The following UGT1A8 variants were observed in gnomAD, a reference collection of about 807,000 sequenced individuals.
The protein encoded by UGT1A8 is UDP-glucuronosyltransferase 1A8.
Under a neutral mutation model 45.3 loss-of-function variants are expected in UGT1A8, and 39 were observed. That is an observed-to-expected ratio of 0.86 (90% confidence interval 0.67 to 1.12). The LOEUF is 1.12. Among genes scored for constraint, UGT1A8 ranks in the 50% most tolerant of loss-of-function variants. The probability of loss-of-function intolerance (pLI) is 0.00; values close to 1 mark genes in which losing one functional copy is unlikely to be tolerated. For synonymous variants in UGT1A8, 275 were observed against 249.2 expected (o/e 1.10, Z -0.97); for missense variants, 719 against 664.9 (o/e 1.08, Z -0.90).
At chr2:233,755,785 T>A (rs1696021377) in intron 1 of UGT1A8, 1 of 152,588 alleles carries the variant, frequency 6.6e-6, no homozygotes, top group Non-Finnish European at 1.5e-5. Flanking sequence ...ATGCCTATCA[T>A]ATGTACTGCA....
At chr2:233,677,805 G>A (rs1490185432) in intron 1 of UGT1A8, among the ~76,000 whole-genome samples, 6 of 151,870 alleles carry the variant, frequency 4.0e-5, no homozygotes, top group Non-Finnish European at 5.9e-5. Context: ...ACTGTCATTC[G>A]ACCCAGCAAT....
At chr2:233,686,285 A>T (rs969857355) in intron 1 of UGT1A8, among the ~76,000 whole-genome samples, 3 of 152,146 alleles carry the variant, frequency 2.0e-5, no homozygotes, top group Non-Finnish European at 1.5e-5. Context: ...ACAAGAAACT[A>T]AAACAAGAAA....
chr2:233,765,587 C>T (rs1353703058), intron 1 of UGT1A8, among the ~76,000 whole-genome samples: 1 of 151,970 alleles, frequency 6.6e-6, no homozygotes, highest in East Asian at 1.9e-4. Context: ...AGGGGAACAA[C>T]ACACACCAGG....
At chr2:233,771,238 A>G (rs1201821229) in intron 4 of UGT1A8, 1 of 152,168 alleles carries the variant, frequency 6.6e-6, no homozygotes, top group Non-Finnish European at 1.5e-5. Context: ...CAGCGATCAT[A>G]ATTAGTCCTG....
chr2:233,665,412 C>A (rs1430358908), intron 1 of UGT1A8, among the ~76,000 whole-genome samples: 2 of 152,206 alleles, frequency 1.3e-5, no homozygotes, highest in Non-Finnish European at 2.9e-5. Context: ...TCCCCAGCAG[C>A]TTTACTTCTC....
intron 2 of UGT1A8, 91 bp from the exon 3 acceptor site, chr2:233,767,758 G>A: frequency 6.2e-7 from 1 of 1,604,004 alleles, no homozygotes. Context: ...TGTTCCTTCA[G>A]AGGACCCCTG....
chr2:233,760,258 G>C (rs1164776908), intron 1 of UGT1A8: 2 of 1,611,088 alleles, frequency 1.2e-6, no homozygotes, highest in Non-Finnish European at 1.7e-6. Context: ...AAGTAGGAGA[G>C]GGCGAACCTC....
Position 233,618,094 on chromosome 2 carries a change from T to A in UGT1A8, c.387T>A (p.Asn129Lys), listed in dbSNP as rs754213738. Residue 129 changes from asparagine (N) to lysine (K), a missense_variant, in exon 1 of 5, where the codon AAT becomes AAA. Physicochemically the swap from Asn to Lys is moderately conservative, Grantham distance 94. Coordinates refer to ENST00000373450, the MANE Select transcript of UGT1A8 (RefSeq NM_019076.5). ...LFFSHCRSLF[N>K]DRKLVEYLKE... ...TTTCGCATTGCAGGAGTTTGTTTAA[T>A]GACCGAAAATTAGTAGAATACTTAA... 1 of 1,614,176 alleles carries A rather than the reference T, an allele frequency of 6.2e-7. No homozygotes were observed. The highest frequency in any genetic ancestry group is 1.1e-5 in the South Asian group (1 of 91,078).
At position 233,743,506 on chromosome 2, in the gene UGT1A8, G is replaced by A. The variant is rs185061073; in HGVS notation, c.856-23528G>A. ...ACTGAAGGCAGAGAAAAGGGGTGCA[G>A]ACGCTCTGCTTCTGCTTCCCCAGCA... On this transcript the variant is annotated intron_variant, in intron 1 of 4. Transcript: ENST00000373450. 5.9e-6 allele frequency: 8 copies of A among 1,367,240 alleles called. No individual in the cohort carries two copies. The Admixed American group carries it at 1.1e-4, about 20-fold the overall frequency. The allele number at this position is 1,367,240 out of a possible 1,614,324, so 84.7% of individuals were successfully genotyped here. A position where few individuals can be genotyped will look rare whatever the true frequency, so the allele number is the denominator to read the frequency against.
chr2:233,665,871 C>T (rs1425504992), intron 1 of UGT1A8, among the ~76,000 whole-genome samples: 1 of 152,148 alleles, frequency 6.6e-6, no homozygotes, highest in Non-Finnish European at 1.5e-5. Flanking sequence ...ACAATATTTA[C>T]AAGCGGCCAG....
chr2:233,760,377 A>G (rs1697424081), intron 1 of UGT1A8: 2 of 1,614,124 alleles, frequency 1.2e-6, no homozygotes, highest in Admixed American at 1.7e-5. Flanking sequence ...CTGGGAAGAT[A>G]CTGTTGATCC....
chr2:233,762,954 A>G (rs1248639717), intron 1 of UGT1A8, among the ~76,000 whole-genome samples: 1 of 152,252 alleles, frequency 6.6e-6, no homozygotes, highest in Admixed American at 6.5e-5. Context: ...TTCTGGCAAT[A>G]GGAAAGATGC....
chr2:233,695,757 C>T (rs1051852245), intron 1 of UGT1A8, among the ~76,000 whole-genome samples: 2 of 152,104 alleles, frequency 1.3e-5, no homozygotes, highest in Non-Finnish European at 2.9e-5. Context: ...GGTCTTCATC[C>T]TTTTTTATGG....
intron 1 of UGT1A8, among the ~76,000 whole-genome samples, chr2:233,731,463 G>A (rs540385955): frequency 1.5e-4 from 23 of 152,134 alleles, no homozygotes; most frequent in Admixed American, 1.0e-3. Flanking sequence ...AGGCCCTGGC[G>A]TGTGATGTTC....
chr2:233,766,907 C>G (rs1383334189), intron 1 of UGT1A8, 127 bp from the exon 2 acceptor site: 28 of 1,506,666 alleles, frequency 1.9e-5, no homozygotes, highest in African/African-American at 1.4e-5. Flanking sequence ...TAATTTTTTA[C>G]TCTATCTCAA....
chr2:233,636,780 G>A, intron 1 of UGT1A8: 1 of 1,614,220 alleles, frequency 6.2e-7, no homozygotes, highest in Non-Finnish European at 8.5e-7. Flanking sequence ...TGGAAGATCA[G>A]AACCGGGAAT....
At chr2:233,724,125 C>T (rs2077171619) in intron 1 of UGT1A8, among the ~76,000 whole-genome samples, 1 of 108,600 alleles carries the variant, frequency 9.2e-6, no homozygotes, top group African/African-American at 4.7e-5. Flanking sequence ...AGGCGCCCCT[C>T]ACCTCCCGGA....
intron 1 of UGT1A8, among the ~76,000 whole-genome samples, chr2:233,705,032 A>G (rs1039287692): frequency 4.6e-5 from 7 of 151,844 alleles, no homozygotes; most frequent in Admixed American, 2.0e-4. Flanking sequence ...GCTACTCGGG[A>G]GGCTGAGGCA....
chr2:233,751,479 G>A (rs184268355), intron 1 of UGT1A8, among the ~76,000 whole-genome samples: 7 of 152,348 alleles, frequency 4.6e-5, no homozygotes, highest in Admixed American at 3.9e-4. Flanking sequence ...GTTTTGAAAT[G>A]TGAAAAGACA....
Sources: allele counts gnomAD v4.1 joint callset (sites outside exome capture counted in the v4.1 genomes callset), GRCh38; gene constraint gnomAD v4.1.1; transcripts MANE v1.5; gene names NCBI Gene and HGNC (gene_info 2026-07-23, HGNC 2026-07-21).